MTFR1: variants seen among roughly 807,000 people sequenced by gnomAD.
MTFR1 encodes the protein mitochondrial fission regulator 1.
MTFR1 carries 28 observed loss-of-function variants against 38.8 expected under a neutral mutation model. That is an observed-to-expected ratio of 0.72 (90% CI 0.53 to 0.99). The LOEUF is 0.99. MTFR1 is among the 50% of genes least tolerant of loss of function. The probability of loss-of-function intolerance (pLI) is 0.00; values close to 1 mark genes in which losing one functional copy is unlikely to be tolerated. For missense variants in MTFR1, 358 were observed against 395.5 expected, an observed-to-expected ratio of 0.91 and a Z score of 0.81; for synonymous variants, 145 against 137.0, an observed-to-expected ratio of 1.06 and a Z score of -0.41.
At chr8:65,691,662 T>C (rs1443584370) in intron 3 of MTFR1, among the ~76,000 whole-genome samples, 1 of 152,116 alleles carries the variant, frequency 6.6e-6, no homozygotes, top group Non-Finnish European at 1.5e-5. Context: ...ATTTTGGTTT[T>C]TTTTTGTGAC....
Position 65,704,693 on chromosome 8 carries a change from GGACAGAGGTCA to G in MTFR1, c.284_294del (p.Thr95IlefsTer8), listed in dbSNP as rs1805724289. ...CAGCCCACCTTATGTCTTCCTTGCA[GGACAGAGGTCA>G]GATCAAGGCCACCCCTTCAGGATGA... On this transcript the variant is annotated frameshift_variant and splice_region_variant, in exon 5 of 8. Transcript: ENST00000262146. LOFTEE classifies it high-confidence loss of function. 5 of 1,613,572 alleles carry G rather than the reference GGACAGAGGTCA, an allele frequency of 3.1e-6. No individual in the cohort carries two copies. The highest frequency in any genetic ancestry group is 2.5e-6 in the Non-Finnish European group (3 of 1,179,666).
At chr8:65,756,917 C>T (rs1292513657) in intron 3 of MTFR1, among the ~76,000 whole-genome samples, 1 of 151,954 alleles carries the variant, frequency 6.6e-6, no homozygotes, top group Non-Finnish European at 1.5e-5. Context: ...ATTTTGCTGG[C>T]TTATGATAAA....
intron 5 of MTFR1, 88 bp downstream of exon 5, chr8:65,705,017 A>C (rs999143147): frequency 8.6e-7 from 1 of 1,157,216 alleles, no homozygotes; most frequent in African/African-American, 1.5e-5. Flanking sequence ...AGTAACAGCT[A>C]TTGGGGTTCT....
intron 1 of MTFR1, among the ~76,000 whole-genome samples, chr8:65,649,799 C>A (rs539394831): frequency 2.0e-5 from 3 of 151,858 alleles, no homozygotes; most frequent in African/African-American, 7.2e-5. Flanking sequence ...CCCACCCCCC[C>A]ACACTGTCCT....
chr8:65,774,574 T>C (rs932720980), downstream of MTFR1, among the ~76,000 whole-genome samples: 1 of 151,914 alleles, frequency 6.6e-6, no homozygotes, highest in Non-Finnish European at 1.5e-5. Context: ...ATATGGGTTA[T>C]AGCTATCAAT....
intron 3 of MTFR1, chr8:65,747,556 G>A (rs1459210759): frequency 4.4e-6 from 3 of 688,084 alleles, no homozygotes; most frequent in Non-Finnish European, 6.6e-6. Flanking sequence ...TTCATAGACA[G>A]AGAAAAAGAC....
At chr8:65,685,092 G>C (rs1205908473) in intron 3 of MTFR1, among the ~76,000 whole-genome samples, 1 of 152,178 alleles carries the variant, frequency 6.6e-6, no homozygotes, top group African/African-American at 2.4e-5. Context: ...TTGTTTATCA[G>C]AAATATAAAA....
At chr8:65,755,689 C>T (rs2128911143) in intron 3 of MTFR1, among the ~76,000 whole-genome samples, 1 of 152,318 alleles carries the variant, frequency 6.6e-6, no homozygotes, top group East Asian at 1.9e-4. Context: ...TATATATTTA[C>T]TTGTGTAGTA....
At chr8:65,758,101 C>G (rs1423511209) in intron 3 of MTFR1, among the ~76,000 whole-genome samples, 1 of 152,154 alleles carries the variant, frequency 6.6e-6, no homozygotes, top group African/African-American at 2.4e-5. Context: ...GGTTGTAATA[C>G]TAGTCTAGCA....
chr8:65,730,193 T>TTTTTTTTTTC (rs1321443430), intron 3 of MTFR1, among the ~76,000 whole-genome samples: 51 of 137,058 alleles, frequency 3.7e-4, no homozygotes, highest in African/African-American at 1.4e-3. Flanking sequence ...TTTTTTTTTT[T>TTTTTTTTTTC]TTTTGAGATG....
chr8:65,714,547 A>G (rs1426973693), downstream of MTFR1: 1 of 152,012 alleles, frequency 6.6e-6, no homozygotes, highest in Non-Finnish European at 1.5e-5. Context: ...TCTTGCACAG[A>G]CCTGTATTAC....
At chr8:65,665,603 C>A (rs1055400391) in intron 1 of MTFR1, among the ~76,000 whole-genome samples, 1 of 152,168 alleles carries the variant, frequency 6.6e-6, no homozygotes, top group African/African-American at 2.4e-5. Flanking sequence ...CCAATCAAAA[C>A]CTTGGAGTAA....
chr8:65,699,148 C>T (rs993130727), intron 4 of MTFR1, among the ~76,000 whole-genome samples: 2 of 152,192 alleles, frequency 1.3e-5, no homozygotes, highest in African/African-American at 4.8e-5. Context: ...CCAGCTCCAT[C>T]CATGTTGCTG....
intron 1 of MTFR1, among the ~76,000 whole-genome samples, chr8:65,663,803 C>CTTT (rs1024046538): frequency 8.1e-6 from 1 of 124,188 alleles, no homozygotes; most frequent in South Asian, 3.2e-4. Flanking sequence ...CTTCTTCCTT[C>CTTT]TTTTTTTTAA....
At chr8:65,662,919 C>T (rs1376106987) in intron 1 of MTFR1, among the ~76,000 whole-genome samples, 1 of 150,622 alleles carries the variant, frequency 6.6e-6, no homozygotes. Flanking sequence ...GGGGGTCAGC[C>T]CCCCGCCTGG....
chr8:65,774,012 C>A (rs534968495), downstream of MTFR1, among the ~76,000 whole-genome samples: 10 of 152,128 alleles, frequency 6.6e-5, no homozygotes, highest in Non-Finnish European at 1.5e-4. Context: ...TATTGCAATA[C>A]CAAAACATAC....
intron 1 of MTFR1, among the ~76,000 whole-genome samples, chr8:65,664,368 T>C (rs1403470644): frequency 6.6e-6 from 1 of 152,194 alleles, no homozygotes; most frequent in Non-Finnish European, 1.5e-5. Context: ...CATGAATGAA[T>C]CTCACCGTGT....
intron 3 of MTFR1, among the ~76,000 whole-genome samples, chr8:65,736,977 G>A (rs1807167511): frequency 6.7e-6 from 1 of 149,492 alleles, no homozygotes; most frequent in Non-Finnish European, 1.5e-5. Context: ...CCACCTCCCA[G>A]GTTCAAGTGA....
chr8:65,673,823 T>C (rs796563630), intron 2 of MTFR1, among the ~76,000 whole-genome samples: 4 of 152,130 alleles, frequency 2.6e-5, no homozygotes, highest in African/African-American at 9.6e-5. Context: ...GGAGAATCGC[T>C]TGAACCCAGG....
Sources: gnomAD v4.1 joint callset for allele counts (sites outside exome capture counted in the v4.1 genomes callset) on GRCh38, gnomAD v4.1.1 for gene constraint, MANE v1.5 for transcripts, NCBI Gene and HGNC (gene_info 2026-07-23, HGNC 2026-07-21) for gene names.